CYP27A1: variants seen among roughly 807,000 people sequenced by gnomAD.
CYP27A1 encodes cytochrome P450 family 27 subfamily A member 1.
In CYP27A1, 46 loss-of-function variants were observed where a neutral mutation model predicts 58.2. The observed-to-expected ratio is 0.79, with a 90% CI of 0.62 to 1.01. CYP27A1 has a LOEUF of 1.01. Among genes scored for constraint, CYP27A1 ranks in the 50% least tolerant of loss-of-function variants. CYP27A1 has a pLI of 0.00. For synonymous variants in CYP27A1, 274 were observed against 285.1 expected (o/e 0.96, Z 0.39); for missense variants, 704 against 687.0 (o/e 1.02, Z -0.28).
intron 1 of CYP27A1, among the ~76,000 whole-genome samples, chr2:218,792,380 TG>T (rs1178046642): frequency 1.3e-5 from 2 of 152,196 alleles, no homozygotes; most frequent in Non-Finnish European, 2.9e-5. Flanking sequence ...TCTGGCAAGG[TG>T]TTTTTTTTGG....
chr2:218,792,183 G>C (rs1943500398), intron 1 of CYP27A1, among the ~76,000 whole-genome samples: 1 of 152,152 alleles, frequency 6.6e-6, no homozygotes, highest in South Asian at 2.1e-4. Context: ...CAAGGTGGCT[G>C]TCCTGGTTCT....
intron 1 of CYP27A1, among the ~76,000 whole-genome samples, chr2:218,783,764 T>C (rs1943417199): frequency 1.3e-5 from 2 of 151,998 alleles, no homozygotes; most frequent in African/African-American, 4.8e-5. Flanking sequence ...CTGATAGGAG[T>C]AGGCTGGTCC....
chr2:218,814,408 C>A lies in CYP27A1; in HGVS notation c.1213C>A (p.Arg405=). Residue 405 remains arginine, a synonymous_variant, in exon 7 of 9, where the codon CGG becomes AGG. Coordinates refer to ENST00000258415, the MANE Select transcript of CYP27A1 (RefSeq NM_000784.4). The part of the protein sequence containing the change: ...RLYPVVPTNS[R]IIEKEIEVDG... The stretch of plus-strand genomic sequence containing the variant: ...CTACCCTGTGGTCCCCACAAACTCC[C>A]GGATCATAGAAAAGGAAATTGAAGT... 1 of 1,614,232 alleles carries A rather than the reference C, an allele frequency of 6.2e-7. No individual in the cohort carries two copies. The highest frequency in any genetic ancestry group is 1.1e-5 in the South Asian group (1 of 91,084).
At chr2:218,799,994 G>A (rs574111938) in intron 1 of CYP27A1, among the ~76,000 whole-genome samples, 4 of 152,112 alleles carry the variant, frequency 2.6e-5, no homozygotes, top group South Asian at 2.1e-4. Context: ...TCATCTTGAC[G>A]GGGGTAAGAT....
At chr2:218,799,368 T>G (rs1410610186) in intron 1 of CYP27A1, among the ~76,000 whole-genome samples, 1 of 152,068 alleles carries the variant, frequency 6.6e-6, no homozygotes, top group Admixed American at 6.6e-5. Context: ...ATAAACAAAC[T>G]TTACCTACAC....
chr2:218,796,949 T>G (rs542140138), intron 1 of CYP27A1, among the ~76,000 whole-genome samples: 1 of 152,274 alleles, frequency 6.6e-6, no homozygotes, highest in South Asian at 2.1e-4. Flanking sequence ...GTCCTATAGC[T>G]TACTATAAAC....
intron 1 of CYP27A1, among the ~76,000 whole-genome samples, chr2:218,794,667 T>C (rs1325177601): frequency 6.6e-6 from 1 of 152,144 alleles, no homozygotes; most frequent in Non-Finnish European, 1.5e-5. Context: ...AGTTTAAGGT[T>C]TGGGAAATTA....
intron 1 of CYP27A1, among the ~76,000 whole-genome samples, chr2:218,792,625 G>T (rs1943504550): frequency 6.6e-6 from 1 of 152,118 alleles, no homozygotes; most frequent in Admixed American, 6.5e-5. Flanking sequence ...AACTGCATCA[G>T]AATTAAGCAA....
chr2:218,813,033 A>G lies in CYP27A1; in HGVS notation c.954A>G (p.Gly318=), dbSNP rs201036239. The G allele has an allele frequency of 1.9e-6, 3 of 1,614,220 alleles. No individual in the cohort carries two copies. Among genetic ancestry groups the G allele is most frequent in the Non-Finnish European group, 2.5e-6 (3 of 1,180,040 alleles). ...SGYLHFLLAS[G]QLSPREAMGS... ...ACCTGCACTTCTTACTGGCCAGTGGACAGCTCAGTCCTCGGGAGGCCATGG... is the reference window on the plus strand; with the variant it reads ...ACCTGCACTTCTTACTGGCCAGTGGGCAGCTCAGTCCTCGGGAGGCCATGG... The change falls in exon 5 of 9, where the codon GGA becomes GGG. Residue 318 remains glycine, a synonymous_variant. Transcript: ENST00000258415.
At chr2:218,792,851 T>C (rs985077635) in intron 1 of CYP27A1, among the ~76,000 whole-genome samples, 10 of 152,206 alleles carry the variant, frequency 6.6e-5, no homozygotes, top group African/African-American at 2.2e-4. Flanking sequence ...TAACTTAGCA[T>C]GTCAAATAAT....
intron 1 of CYP27A1, among the ~76,000 whole-genome samples, chr2:218,784,530 T>C (rs1943424824): frequency 6.6e-6 from 1 of 152,236 alleles, no homozygotes; most frequent in African/African-American, 2.4e-5. Context: ...TCGCATTGCT[T>C]TAAGAAGAAA....
At chr2:218,811,044 A>G (rs906862461) in intron 2 of CYP27A1, among the ~76,000 whole-genome samples, 1 of 152,092 alleles carries the variant, frequency 6.6e-6, no homozygotes, top group Non-Finnish European at 1.5e-5. Flanking sequence ...CCAGCTACTC[A>G]GGAGGCTGAG....
At chr2:218,800,703 T>C (rs1943591977) in intron 1 of CYP27A1, among the ~76,000 whole-genome samples, 1 of 152,326 alleles carries the variant, frequency 6.6e-6, no homozygotes, top group Admixed American at 6.5e-5. Context: ...CACAATGCCT[T>C]ATACCCATAG....
intron 5 of CYP27A1, 59 bp downstream of exon 5, chr2:218,813,155 C>G: frequency 6.7e-7 from 1 of 1,493,092 alleles, no homozygotes; most frequent in Non-Finnish European, 9.1e-7. Context: ...AACCAGTTCC[C>G]TATTATCCCT....
intron 1 of CYP27A1, among the ~76,000 whole-genome samples, chr2:218,787,158 G>T (rs924872424): frequency 6.6e-6 from 1 of 152,108 alleles, no homozygotes; most frequent in Non-Finnish European, 1.5e-5. Flanking sequence ...AAGCTGTGAG[G>T]GCTGGGCCTA....
intron 1 of CYP27A1, among the ~76,000 whole-genome samples, chr2:218,791,553 A>G (rs893898150): frequency 2.0e-5 from 3 of 152,202 alleles, no homozygotes; most frequent in Non-Finnish European, 4.4e-5. Context: ...GAAAAAGTCT[A>G]CATCAAGGAT....
intron 1 of CYP27A1, chr2:218,805,806 T>A (rs1943646096): frequency 6.6e-6 from 1 of 152,148 alleles, no homozygotes; most frequent in Admixed American, 6.5e-5. Flanking sequence ...AATGGTAGGA[T>A]CACAGACACA....
chr2:218,792,574 C>A (rs1943504325), intron 1 of CYP27A1, among the ~76,000 whole-genome samples: 1 of 152,082 alleles, frequency 6.6e-6, no homozygotes, highest in South Asian at 2.1e-4. Flanking sequence ...TCCTTAAAGA[C>A]ATCATATTCT....
At chr2:218,811,198 C>G (rs1559391972) in intron 2 of CYP27A1, among the ~76,000 whole-genome samples, 1 of 152,100 alleles carries the variant, frequency 6.6e-6, no homozygotes, top group African/African-American at 2.4e-5. Context: ...TAATACTCAC[C>G]GTGGAAATTC....
Sources: allele counts gnomAD v4.1 joint callset (sites outside exome capture counted in the v4.1 genomes callset), GRCh38; gene constraint gnomAD v4.1.1; transcripts MANE v1.5; gene names NCBI Gene and HGNC (gene_info 2026-07-23, HGNC 2026-07-21).